The following PTPRD variants were observed in gnomAD, a reference collection of about 807,000 sequenced individuals.
The protein encoded by PTPRD is receptor-type tyrosine-protein phosphatase delta.
PTPRD carries 34 observed loss-of-function variants against 214.5 expected under a neutral mutation model. The ratio of observed to expected loss-of-function variants is 0.16; its 90% CI spans 0.12 to 0.21. The LOEUF is 0.21. PTPRD is among the 10% of genes least tolerant of loss of function. The pLI, the probability that PTPRD is intolerant of heterozygous loss-of-function variation, is 1.00. For synonymous variants in PTPRD, 1,128 were observed against 845.7 expected (o/e 1.33, Z -5.79); for missense variants, 2,545 against 2,398.7 (o/e 1.06, Z -1.27).
In PTPRD at chr9:10,025,848, C is replaced by A. The variant is rs1341629748; in HGVS notation, c.-472+7870G>T. Among the ~76,000 whole-genome samples, 3 of 152,150 alleles carry A rather than the reference C, an allele frequency of 2.0e-5. 1 individual carries two copies. Among genetic ancestry groups the A allele is most frequent in the African/African-American group, 7.2e-5 (3 of 41,434 alleles). The stretch of plus-strand genomic sequence containing the variant: ...AACCATGTGGATGATTAAATAAACA[C>A]CTGTGCTACAGTTCACGGAACATTT... On this transcript the variant is annotated intron_variant, in intron 4 of 45. Transcript: ENST00000381196.
rs572474742 is a variant in PTPRD, at chr9:9,877,017, T to C, written c.-368+61490A>G. Among the ~76,000 whole-genome samples the C allele has an allele frequency of 7.9e-5, 12 of 152,314 alleles. 1 individual carries two copies. The East Asian group carries it at 2.3e-3, about 29-fold the overall frequency. ...TCCTTGCTGAAGTTTTGGGTTCAGT[T>C]ACATTGCTCAAGCCACTTATTTAAG... On this transcript the variant is annotated intron_variant, in intron 5 of 45. Transcript: ENST00000381196.
At chr9:10,281,449 T>A (rs1254586781) in intron 3 of PTPRD, among the ~76,000 whole-genome samples, 15 of 152,016 alleles carry the variant, frequency 9.9e-5, no homozygotes, top group Non-Finnish European at 1.9e-4. Context: ...AATGTCCAAA[T>A]CTCACCTAAT....
chr9:9,941,478 A>C (rs937661273), intron 4 of PTPRD, among the ~76,000 whole-genome samples: 1 of 152,104 alleles, frequency 6.6e-6, no homozygotes, highest in Non-Finnish European at 1.5e-5. Context: ...ACCCAGCACC[A>C]CGCCTGGGTA....
At chr9:9,962,420 T>A (rs1282067240) in intron 4 of PTPRD, among the ~76,000 whole-genome samples, 1 of 152,052 alleles carries the variant, frequency 6.6e-6, no homozygotes, top group Non-Finnish European at 1.5e-5. Flanking sequence ...AAATCCTTTA[T>A]AAAGAAAATT....
chr9:10,333,313 T>C (rs969524635), intron 3 of PTPRD, among the ~76,000 whole-genome samples: 1 of 151,734 alleles, frequency 6.6e-6, no homozygotes, highest in African/African-American at 2.4e-5. Context: ...GTCCCTCGCG[T>C]TTTGTTTATA....
At chr9:8,534,527 G>A (rs2076457668) in intron 14 of PTPRD, among the ~76,000 whole-genome samples, 1 of 151,560 alleles carries the variant, frequency 6.6e-6, no homozygotes, top group African/African-American at 2.4e-5. Flanking sequence ...TTCTTTGACG[G>A]GTGGAAAGAC....
rs138386194 is a variant in PTPRD, at chr9:9,842,298, ATTTTT to A, written c.-367-75452_-367-75448del. 8.7e-5 allele frequency among the ~76,000 whole-genome samples: 8 copies of A among 91,430 alleles called. 1 individual carries two copies. The highest frequency in any genetic ancestry group is 6.3e-4 in the Admixed American group (4 of 6,368). The allele number at this position is 91,430 out of a possible 152,430, so 60.0% of individuals were successfully genotyped here. ...AACTCAAAGTCTACTGAAGGAGAGC[ATTTTT>A]TTTTTTTTTTTTTTTTTTTGTCATG... On this transcript the variant is annotated intron_variant, in intron 5 of 45. Coordinates refer to ENST00000381196, the MANE Select transcript of PTPRD (RefSeq NM_002839.4).
At chr9:8,331,523 T>TACAG (rs1460883196) in intron 44 of PTPRD, 59 bp downstream of exon 44, 23 of 1,592,936 alleles carry the variant, frequency 1.4e-5, no homozygotes, top group Non-Finnish European at 1.9e-5. Flanking sequence ...AAAAAGTGTA[T>TACAG]ACAGACAATG....
chr9:9,557,994 G>A (rs1053610014), intron 8 of PTPRD, among the ~76,000 whole-genome samples: 7 of 152,182 alleles, frequency 4.6e-5, no homozygotes, highest in African/African-American at 1.4e-4. Flanking sequence ...CAGCCTGCAT[G>A]CACAGCACAC....
At chr9:9,209,767 T>TCATATG (rs2099947325) in intron 9 of PTPRD, among the ~76,000 whole-genome samples, 1 of 152,164 alleles carries the variant, frequency 6.6e-6, no homozygotes, top group Non-Finnish European at 1.5e-5. Context: ...TAGAAAATAT[T>TCATATG]TAAAAATATA....
intron 2 of PTPRD, among the ~76,000 whole-genome samples, chr9:10,376,599 C>T (rs2097733021): frequency 6.6e-6 from 1 of 151,736 alleles, no homozygotes; most frequent in Admixed American, 6.6e-5. Context: ...ATCCCCCTAT[C>T]TCATAGACAG....
At chr9:9,963,983 T>C (rs1368367334) in intron 4 of PTPRD, among the ~76,000 whole-genome samples, 2 of 134,744 alleles carry the variant, frequency 1.5e-5, no homozygotes, top group African/African-American at 2.5e-5. Flanking sequence ...CATTAATATA[T>C]ATGAATGGCA....
intron 7 of PTPRD, among the ~76,000 whole-genome samples, chr9:9,643,662 C>A (rs1461795329): frequency 6.6e-6 from 1 of 152,064 alleles, no homozygotes; most frequent in Non-Finnish European, 1.5e-5. Flanking sequence ...ATCTATTTTT[C>A]TAAATTAAAA....
chr9:8,359,863 A>G (rs2078023268), intron 39 of PTPRD, among the ~76,000 whole-genome samples: 2 of 152,160 alleles, frequency 1.3e-5, no homozygotes, highest in Non-Finnish European at 2.9e-5. Flanking sequence ...TCCTTTCCTT[A>G]GGCATATGGC....
intron 2 of PTPRD, among the ~76,000 whole-genome samples, chr9:10,596,025 C>G (rs374639413): frequency 6.6e-6 from 1 of 151,736 alleles, no homozygotes. Flanking sequence ...CGTTTTTCTT[C>G]TAATCCACCA....
intron 8 of PTPRD, among the ~76,000 whole-genome samples, chr9:9,451,274 T>G (rs532596299): frequency 7.2e-5 from 11 of 151,852 alleles, no homozygotes; most frequent in African/African-American, 2.2e-4. Context: ...GTATAAGGTT[T>G]AAAGAGAAAT....
At chr9:9,878,666 T>C (rs993382235) in intron 5 of PTPRD, among the ~76,000 whole-genome samples, 1 of 152,162 alleles carries the variant, frequency 6.6e-6, no homozygotes, top group East Asian at 1.9e-4. Context: ...CATTTTCAAA[T>C]AGCATTGTTA....
chr9:10,465,488 A>G (rs910312110), intron 2 of PTPRD, among the ~76,000 whole-genome samples: 1 of 152,178 alleles, frequency 6.6e-6, no homozygotes, highest in Non-Finnish European at 1.5e-5. Context: ...GTCATGTGCC[A>G]CATGACATTT....
intron 2 of PTPRD, among the ~76,000 whole-genome samples, chr9:10,441,427 A>G (rs1425021096): frequency 2.0e-5 from 3 of 151,656 alleles, no homozygotes; most frequent in African/African-American, 4.8e-5. Flanking sequence ...TTACTTTTCA[A>G]ATCAGATTTT....
Sources: gnomAD v4.1 joint callset for allele counts (sites outside exome capture counted in the v4.1 genomes callset) on GRCh38, gnomAD v4.1.1 for gene constraint, MANE v1.5 for transcripts, NCBI Gene and HGNC (gene_info 2026-07-23, HGNC 2026-07-21) for gene names.